ATP5MC2: variants seen among roughly 807,000 people sequenced by gnomAD.
The protein encoded by ATP5MC2 is ATP synthase membrane subunit c locus 2, also known as ATP synthase F(0) complex subunit C2, mitochondrial.
In ATP5MC2, 11 loss-of-function variants were observed where a neutral mutation model predicts 13.5. The ratio of observed to expected loss-of-function variants is 0.81; its 90% CI spans 0.51 to 1.35. ATP5MC2 has a LOEUF of 1.35. Ranked by LOEUF, ATP5MC2 falls within the 40% of genes most tolerant of loss-of-function variation. ATP5MC2 has a pLI of 0.00. For missense variants in ATP5MC2, 132 were observed against 175.0 expected (o/e 0.75, Z 1.39); for synonymous variants, 64 against 69.7 (o/e 0.92, Z 0.41).
At chr12:53,677,692 G>C (rs1195351197), upstream of ATP5MC2, among the ~76,000 whole-genome samples, 1 of 152,178 alleles carries the variant, frequency 6.6e-6, no homozygotes, top group East Asian at 1.9e-4. Context: ...CAAATCTCCA[G>C]TTTTAGTTGT....
chr12:53,678,758 G>C (rs1196883529), upstream of ATP5MC2, among the ~76,000 whole-genome samples: 1 of 152,146 alleles, frequency 6.6e-6, no homozygotes, highest in Middle Eastern at 3.2e-3. Flanking sequence ...CTTGGGGAAG[G>C]GTCCTTCTTT....
chr12:53,667,106 T>C (rs1944937742), intron 4 of ATP5MC2, among the ~76,000 whole-genome samples: 1 of 152,194 alleles, frequency 6.6e-6, no homozygotes, highest in Non-Finnish European at 1.5e-5. Context: ...GACACCAACA[T>C]TTAACAGAAT....
chr12:53,665,401 G>A lies in ATP5MC2; in HGVS notation c.339C>T (p.Phe113=), dbSNP rs1053762781. The change falls in exon 5 of 5, where the codon TTC becomes TTT. Residue 113 remains phenylalanine (F), a synonymous_variant. Coordinates refer to ENST00000394349, the MANE Select transcript of ATP5MC2 (RefSeq NM_005176.7). ...GGGCAAAGCCCAGAATGGCGTAGGA[G>A]AAGAGCTGTTGCTTCAGAGAAGGGT... ...ARNPSLKQQL[F]SYAILGFALS... 1 of 1,614,080 alleles carries A rather than the reference G, an allele frequency of 6.2e-7. No homozygotes were observed.
intron 4 of ATP5MC2, among the ~76,000 whole-genome samples, chr12:53,667,954 C>T (rs12717998): frequency 0.22 from 5,686 of 26,118 alleles, 494 homozygotes; most frequent in East Asian, 0.54. Context: ...TACATACACA[C>T]ACATATATAT....
At chr12:53,674,962 TA>T (rs1348210732) in intron 1 of ATP5MC2, among the ~76,000 whole-genome samples, 8 of 152,256 alleles carry the variant, frequency 5.3e-5, no homozygotes, top group Middle Eastern at 3.4e-3. Flanking sequence ...ATGCAGCTCT[TA>T]GGGGGATTAA....
chr12:53,669,466 A>G (rs1945029719), intron 3 of ATP5MC2, 125 bp from the exon 4 acceptor site: 33 of 1,435,602 alleles, frequency 2.3e-5, no homozygotes, highest in Non-Finnish European at 2.9e-5. Flanking sequence ...TAACGCCCTA[A>G]AATGCTGGCA....
chr12:53,679,238 C>CGAGAGAGAGAGAGAGAGAGA (rs59340879), upstream of ATP5MC2, among the ~76,000 whole-genome samples: 143 of 127,760 alleles, frequency 1.1e-3, 8 homozygotes, highest in African/African-American at 4.4e-3. Flanking sequence ...ATTTTAAAAA[C>CGAGAGAGAGAGAGAGAGAGA]GAGAGAGAGA....
chr12:53,668,014 G>A (rs181887855), intron 4 of ATP5MC2, among the ~76,000 whole-genome samples: 1,195 of 88,116 alleles, frequency 0.014, 25 homozygotes, highest in East Asian at 0.04. Flanking sequence ...TTTTTTTGAT[G>A]GTCTCACTCT....
In ATP5MC2 at chr12:53,675,988, G is replaced by A. The variant is rs535933471; in HGVS notation, c.-32+65C>T. Reference sequence around the variant, plus strand: ...GCAAGGTAAGCGCCTCAAAGCATCCGCGCAAGGTGAGGTGTCCCGCGCGCG... The same window carrying A: ...GCAAGGTAAGCGCCTCAAAGCATCCACGCAAGGTGAGGTGTCCCGCGCGCG... On this transcript the variant is annotated intron_variant, in intron 1 of 4. Coordinates refer to ENST00000394349, the MANE Select transcript of ATP5MC2 (RefSeq NM_005176.7). 3.8e-6 allele frequency: 6 copies of A among 1,582,270 alleles called. No individual in the cohort carries two copies. In the South Asian group the frequency reaches 4.6e-5, roughly 12 times the overall value.
chr12:53,669,817 AC>A, intron 3 of ATP5MC2, 53 bp downstream of exon 3: 9 of 1,572,462 alleles, frequency 5.7e-6, no homozygotes, highest in Non-Finnish European at 7.9e-6. Flanking sequence ...CTGGCAGGTA[AC>A]CCTCCCCACC....
rs759392711 is a variant in ATP5MC2, at chr12:53,669,142, T to C, written c.311+6A>G. The C allele has an allele frequency of 3.1e-6, 5 of 1,601,628 alleles. No homozygotes were observed. The highest frequency in any genetic ancestry group is 2.2e-5 in the East Asian group (1 of 44,690). On this transcript the variant is annotated splice_donor_region_variant and intron_variant, in intron 4 of 4. Coordinates refer to ENST00000394349, the MANE Select transcript of ATP5MC2 (RefSeq NM_005176.7). ...GATAACCAGTGGAGGGTCCAACTTA[T>C]CTTACCTGGCATAACCAATGATGAG...
At chr12:53,669,546 A>G (rs959384761) in intron 3 of ATP5MC2, among the ~76,000 whole-genome samples, 2 of 152,176 alleles carry the variant, frequency 1.3e-5, no homozygotes, top group African/African-American at 2.4e-5. Context: ...AAGAAGTGTA[A>G]GACTGAGGCC....
At chr12:53,672,812 A>G (rs1476401341) in intron 1 of ATP5MC2, 167 bp from the exon 2 acceptor site, 2 of 607,134 alleles carry the variant, frequency 3.3e-6, no homozygotes, top group African/African-American at 1.9e-5. Context: ...TCTTCCAGAA[A>G]CCCCACACAG....
upstream of ATP5MC2, chr12:53,677,381 C>G (rs1049852518): frequency 2.0e-5 from 3 of 152,240 alleles, no homozygotes; most frequent in Non-Finnish European, 4.4e-5. Flanking sequence ...GGACCCCGAG[C>G]GACGCCATTA....
intron 1 of ATP5MC2, 170 bp from the exon 2 acceptor site, chr12:53,672,815 C>A: frequency 1.7e-6 from 1 of 601,462 alleles, no homozygotes; most frequent in Middle Eastern, 4.6e-4. Flanking sequence ...TCCAGAAACC[C>A]CACACAGCTC....
chr12:53,680,889 AC>A (rs1945336559), upstream of ATP5MC2, among the ~76,000 whole-genome samples: 2 of 152,156 alleles, frequency 1.3e-5, no homozygotes, highest in South Asian at 2.1e-4. Flanking sequence ...TAAAATGGAC[AC>A]CCATTAAACC....
At chr12:53,674,437 C>T (rs1945204991) in intron 1 of ATP5MC2, among the ~76,000 whole-genome samples, 1 of 152,230 alleles carries the variant, frequency 6.6e-6, no homozygotes, top group Non-Finnish European at 1.5e-5. Flanking sequence ...AACGCAAGAG[C>T]GTGACCCTAA....
At chr12:53,666,568 ACT>A (rs1462197532) in intron 4 of ATP5MC2, among the ~76,000 whole-genome samples, 2 of 147,746 alleles carry the variant, frequency 1.4e-5, no homozygotes, top group Non-Finnish European at 3.0e-5. Flanking sequence ...ACAGAGCAAG[ACT>A]CTGTCTCAAA....
chr12:53,667,952 C>CATATATATATATAT (rs71068162), intron 4 of ATP5MC2, among the ~76,000 whole-genome samples: 5 of 110,746 alleles, frequency 4.5e-5, no homozygotes, highest in African/African-American at 1.3e-4. Context: ...CATACATACA[C>CATATATATATATAT]ACACATATAT....
Sources: allele counts gnomAD v4.1 joint callset (sites outside exome capture counted in the v4.1 genomes callset), GRCh38; gene constraint gnomAD v4.1.1; transcripts MANE v1.5; gene names NCBI Gene and HGNC (gene_info 2026-07-23, HGNC 2026-07-21).